The following PRKAR2A variants were observed in gnomAD, a reference collection of about 807,000 sequenced individuals.
PRKAR2A encodes cAMP-dependent protein kinase type II-alpha regulatory subunit.
A neutral mutation model predicts 51.9 loss-of-function variants in PRKAR2A; 29 were observed. The observed-to-expected ratio is 0.56, with a 90% confidence interval of 0.42 to 0.76. PRKAR2A has a LOEUF of 0.76. PRKAR2A is among the 30% of genes least tolerant of loss of function. PRKAR2A has a pLI of 0.00. For missense variants in PRKAR2A, 445 were observed against 512.1 expected (o/e 0.87, Z 1.26); for synonymous variants, 178 against 186.2 (o/e 0.96, Z 0.36).
At position 48,816,018 on chromosome 3, in the gene PRKAR2A, CAAAAAAAAAA is replaced by C. The variant is rs748275352; in HGVS notation, c.263-8344_263-8335del. Among the ~76,000 whole-genome samples the C allele has an allele frequency of 1.2e-4, 6 of 51,676 alleles. 1 individual carries two copies. The highest frequency in any genetic ancestry group is 4.0e-4 in the African/African-American group (5 of 12,508). 33.9% of individuals were successfully genotyped at this position (51,676 alleles called of 152,430 possible). A position where few individuals can be genotyped will look rare whatever the true frequency, so the allele number is the denominator to read the frequency against. On this transcript the variant is annotated intron_variant, in intron 1 of 10. Coordinates refer to ENST00000265563, the MANE Select transcript of PRKAR2A (RefSeq NM_004157.4). The stretch of plus-strand genomic sequence containing the variant: ...TGGGTGACAGTGCGAGACTCCATCT[CAAAAAAAAAA>C]AAAAAAAAAAAGAAGCTAGAAGCTG...
At chr3:48,753,006 C>T (rs2081683933) in intron 9 of PRKAR2A, among the ~76,000 whole-genome samples, 1 of 131,222 alleles carries the variant, frequency 7.6e-6, no homozygotes, top group South Asian at 2.7e-4. Context: ...AATATCCGCT[C>T]ACTTCAAGCT....
At chr3:48,836,419 T>TAAAAAAAAAAAAAAAAAA (rs548970318) in intron 1 of PRKAR2A, among the ~76,000 whole-genome samples, 27 of 56,088 alleles carry the variant, frequency 4.8e-4, no homozygotes, top group African/African-American at 1.4e-3. Context: ...AGACTCCGTC[T>TAAAAAAAAAAAAAAAAAA]AAAAAAAAAA....
intron 1 of PRKAR2A, among the ~76,000 whole-genome samples, chr3:48,823,699 T>C (rs955761342): frequency 1.3e-5 from 2 of 148,886 alleles, no homozygotes; most frequent in African/African-American, 2.5e-5. Flanking sequence ...GGTGGGAGGA[T>C]TGCTTGAACC....
intron 2 of PRKAR2A, among the ~76,000 whole-genome samples, chr3:48,804,341 G>C (rs983744141): frequency 1.3e-5 from 2 of 151,950 alleles, no homozygotes; most frequent in African/African-American, 4.8e-5. Context: ...TGCACCTGTG[G>C]TCCCAGCTAC....
chr3:48,798,806 G>A (rs912055122), intron 2 of PRKAR2A, among the ~76,000 whole-genome samples: 12 of 151,762 alleles, frequency 7.9e-5, no homozygotes, highest in South Asian at 2.1e-4. Context: ...AATTACAGGC[G>A]CACACCACCA....
chr3:48,809,932 T>A (rs993590777), intron 1 of PRKAR2A, among the ~76,000 whole-genome samples: 2 of 152,074 alleles, frequency 1.3e-5, no homozygotes, highest in Admixed American at 1.3e-4. Flanking sequence ...CATTAACAAT[T>A]CCATCTGTTC....
intron 8 of PRKAR2A, among the ~76,000 whole-genome samples, chr3:48,758,038 A>C (rs923881385): frequency 6.6e-6 from 1 of 152,044 alleles, no homozygotes; most frequent in Non-Finnish European, 1.5e-5. Context: ...CCTGGGCGAC[A>C]AGAACGAAAC....
intron 1 of PRKAR2A, among the ~76,000 whole-genome samples, chr3:48,820,032 TA>T (rs2082937341): frequency 6.6e-6 from 1 of 152,218 alleles, no homozygotes; most frequent in African/African-American, 2.4e-5. Flanking sequence ...TCAGTGTTCT[TA>T]AGCATGGTAA....
chr3:48,802,501 C>T (rs1169029451), intron 2 of PRKAR2A, among the ~76,000 whole-genome samples: 1 of 151,598 alleles, frequency 6.6e-6, no homozygotes, highest in African/African-American at 2.4e-5. Flanking sequence ...GCCAGGCATT[C>T]AAGGCCAGCC....
chr3:48,792,127 A>G (rs191944304), intron 3 of PRKAR2A, among the ~76,000 whole-genome samples: 2 of 152,042 alleles, frequency 1.3e-5, no homozygotes, highest in Admixed American at 1.3e-4. Context: ...TAAGGGTAAC[A>G]TAATAGATCA....
intron 2 of PRKAR2A, among the ~76,000 whole-genome samples, chr3:48,798,862 T>C (rs959661239): frequency 6.6e-6 from 1 of 152,052 alleles, no homozygotes; most frequent in Non-Finnish European, 1.5e-5. Context: ...GGTTTCATCA[T>C]GTCGGCCAGG....
chr3:48,825,888 A>G (rs2083055208), intron 1 of PRKAR2A, among the ~76,000 whole-genome samples: 1 of 152,196 alleles, frequency 6.6e-6, no homozygotes, highest in African/African-American at 2.4e-5. Context: ...TAGAAGTTAA[A>G]AGGCAAGATG....
chr3:48,756,825 A>C (rs1392410901), intron 8 of PRKAR2A, among the ~76,000 whole-genome samples: 1 of 152,214 alleles, frequency 6.6e-6, no homozygotes, highest in Non-Finnish European at 1.5e-5. Flanking sequence ...GTCTTCACTG[A>C]GAATCTACTT....
chr3:48,808,371 A>T (rs1177875795), intron 1 of PRKAR2A, among the ~76,000 whole-genome samples: 2 of 152,210 alleles, frequency 1.3e-5, no homozygotes, highest in East Asian at 3.9e-4. Flanking sequence ...CTCCTGCCTC[A>T]GCCTCCCCAG....
intron 9 of PRKAR2A, 112 bp downstream of exon 9, chr3:48,756,267 C>T: frequency 1.1e-6 from 1 of 920,658 alleles, no homozygotes; most frequent in Non-Finnish European, 1.7e-6. Flanking sequence ...CTTTGCCAGT[C>T]ACACACCTCA....
chr3:48,835,340 G>GA lies in PRKAR2A; in HGVS notation c.262+11994dup, dbSNP rs551493024. Among the ~76,000 whole-genome samples, 359 of 151,432 alleles carry GA rather than the reference G, an allele frequency of 2.4e-3. 1 individual carries two copies. Among genetic ancestry groups the GA allele is most frequent in the African/African-American group, 8.0e-3 (332 of 41,354 alleles). ...AACATGGCGAAACCCTATCTCTACT[G>GA]AAAAAAAATGGCAGGGTGTGGCCGG... On this transcript the variant is annotated intron_variant, in intron 1 of 10. Coordinates refer to ENST00000265563, the MANE Select transcript of PRKAR2A (RefSeq NM_004157.4).
intron 1 of PRKAR2A, among the ~76,000 whole-genome samples, chr3:48,811,874 C>T (rs1387755081): frequency 6.6e-6 from 1 of 151,954 alleles, no homozygotes; most frequent in Non-Finnish European, 1.5e-5. Context: ...AAAAAGACCA[C>T]ATATTGAATG....
intron 1 of PRKAR2A, among the ~76,000 whole-genome samples, 162 bp from the exon 2 acceptor site, chr3:48,807,846 G>A (rs932071273): frequency 3.3e-5 from 5 of 152,082 alleles, no homozygotes; most frequent in South Asian, 2.1e-4. Context: ...GTTGTTCAAT[G>A]TGATAATATT....
chr3:48,838,437 T>C (rs1057060171), intron 1 of PRKAR2A, among the ~76,000 whole-genome samples: 3 of 151,600 alleles, frequency 2.0e-5, no homozygotes, highest in Admixed American at 1.3e-4. Flanking sequence ...TGAAACCCCA[T>C]CTCTACTAAA....
Sources: gnomAD v4.1 joint callset for allele counts (sites outside exome capture counted in the v4.1 genomes callset) on GRCh38, gnomAD v4.1.1 for gene constraint, MANE v1.5 for transcripts, NCBI Gene and HGNC (gene_info 2026-07-23, HGNC 2026-07-21) for gene names.